The following CPA6 variants were observed in gnomAD, a reference collection of about 807,000 sequenced individuals.
CPA6 encodes carboxypeptidase B.
CPA6 carries 58 observed loss-of-function variants against 63.3 expected under a neutral mutation model. That is an observed-to-expected ratio of 0.92 (90% CI 0.74 to 1.14). The LOEUF (loss-of-function observed/expected upper bound fraction) is 1.14. Ranked by LOEUF, CPA6 falls within the 50% of genes most tolerant of loss-of-function variation. The pLI is 0.00. For synonymous variants in CPA6, 185 were observed against 179.0 expected, an observed-to-expected ratio of 1.03 and a Z score of -0.27; for missense variants, 565 against 526.6, an observed-to-expected ratio of 1.07 and a Z score of -0.71.
intron 6 of CPA6, among the ~76,000 whole-genome samples, chr8:67,502,690 C>T (rs530257765): frequency 6.6e-6 from 1 of 152,258 alleles, no homozygotes; most frequent in African/African-American, 2.4e-5. Context: ...TCACTTTTAA[C>T]CAGTTCAAGG....
At chr8:67,672,603 G>A (rs1563386965) in intron 1 of CPA6, among the ~76,000 whole-genome samples, 1 of 152,160 alleles carries the variant, frequency 6.6e-6, no homozygotes, top group Non-Finnish European at 1.5e-5. Flanking sequence ...TACTTGGGAG[G>A]AGGTTTCTCA....
At chr8:67,566,784 G>A (rs935221863) in intron 2 of CPA6, among the ~76,000 whole-genome samples, 1 of 152,192 alleles carries the variant, frequency 6.6e-6, no homozygotes, top group Non-Finnish European at 1.5e-5. Context: ...GAAGCACAGG[G>A]AATGTGTAGA....
intron 1 of CPA6, among the ~76,000 whole-genome samples, chr8:67,654,685 G>A (rs1324195012): frequency 3.3e-5 from 5 of 152,080 alleles, no homozygotes; most frequent in Non-Finnish European, 5.9e-5. Context: ...TAGGGCAACC[G>A]ATGAAGAGAG....
At chr8:67,549,641 C>A (rs2128972611) in intron 2 of CPA6, among the ~76,000 whole-genome samples, 1 of 152,254 alleles carries the variant, frequency 6.6e-6, no homozygotes, top group East Asian at 1.9e-4. Context: ...CTCCATTTCC[C>A]CCCATCTCTC....
At chr8:67,700,065 A>G (rs1243219590) in intron 1 of CPA6, among the ~76,000 whole-genome samples, 2 of 152,192 alleles carry the variant, frequency 1.3e-5, no homozygotes, top group East Asian at 3.8e-4. Context: ...ATTTTGCCTC[A>G]TATAATCGTG....
intron 2 of CPA6, among the ~76,000 whole-genome samples, chr8:67,571,035 G>A (rs952284848): frequency 1.3e-5 from 2 of 152,176 alleles, no homozygotes; most frequent in Admixed American, 1.3e-4. Context: ...CCAAAAGAGA[G>A]CAGAGGTAGC....
chr8:67,500,647 T>A (rs1379599439), intron 6 of CPA6, among the ~76,000 whole-genome samples: 1 of 152,128 alleles, frequency 6.6e-6, no homozygotes, highest in Non-Finnish European at 1.5e-5. Context: ...CTATGCTTTT[T>A]TCCCCTAAAA....
intron 8 of CPA6, among the ~76,000 whole-genome samples, chr8:67,468,050 A>G (rs1033399766): frequency 6.6e-6 from 1 of 151,698 alleles, no homozygotes; most frequent in Non-Finnish European, 1.5e-5. Context: ...AGAACGGGAC[A>G]CCATCTCAAA....
chr8:67,432,789 G>T (rs191149129), intron 9 of CPA6, among the ~76,000 whole-genome samples: 4 of 152,304 alleles, frequency 2.6e-5, no homozygotes, highest in Middle Eastern at 3.4e-3. Flanking sequence ...ATGAACAGGT[G>T]ATAGTATGCA....
At chr8:67,570,902 G>A (rs902980485) in intron 2 of CPA6, among the ~76,000 whole-genome samples, 3 of 152,074 alleles carry the variant, frequency 2.0e-5, no homozygotes, top group African/African-American at 7.2e-5. Flanking sequence ...GACATAGAGT[G>A]AATGAATGGA....
intron 8 of CPA6, among the ~76,000 whole-genome samples, chr8:67,434,887 A>G (rs1215329700): frequency 6.6e-6 from 1 of 152,178 alleles, no homozygotes; most frequent in Non-Finnish European, 1.5e-5. Flanking sequence ...TGACCCCCCA[A>G]GTGGAGGGAA....
At chr8:67,472,067 G>C (rs1405839990) in intron 8 of CPA6, among the ~76,000 whole-genome samples, 1 of 152,186 alleles carries the variant, frequency 6.6e-6, no homozygotes, top group South Asian at 2.1e-4. Context: ...AAAAAACACT[G>C]AAAAGTGGCC....
chr8:67,558,842 T>C (rs1025004467), intron 2 of CPA6, among the ~76,000 whole-genome samples: 3 of 152,150 alleles, frequency 2.0e-5, no homozygotes, highest in African/African-American at 7.2e-5. Context: ...AAACTGAGGG[T>C]ACCCATAAAT....
chr8:67,598,601 T>C (rs925339904), intron 2 of CPA6, among the ~76,000 whole-genome samples: 13 of 152,322 alleles, frequency 8.5e-5, no homozygotes, highest in East Asian at 3.9e-4. Context: ...TTGAGCTTGA[T>C]TGGGGGCCAA....
rs531512926 is a variant in CPA6, at chr8:67,641,128, G to A, written c.117-16877C>T. Among the ~76,000 whole-genome samples the A allele has an allele frequency of 1.7e-3, 265 of 151,844 alleles. 16 individuals are homozygous for A. The highest frequency in any genetic ancestry group is 6.3e-3 in the African/African-American group (257 of 41,114). ...CTGCTGCAGCCGGCATGATGGCAGC[G>A]GATGCTCCAGATAGCCTGCCGCTGC... is the stretch of plus-strand genomic sequence containing the variant. On this transcript the variant is annotated intron_variant, in intron 1 of 10. Coordinates refer to ENST00000297770, the MANE Select transcript of CPA6 (RefSeq NM_020361.5).
intron 1 of CPA6, among the ~76,000 whole-genome samples, chr8:67,659,537 A>G (rs1481157485): frequency 3.3e-5 from 5 of 152,256 alleles, no homozygotes; most frequent in Non-Finnish European, 5.9e-5. Context: ...TCTGATGCAC[A>G]CCAATAAAAT....
At chr8:67,625,609 T>C (rs1024139584) in intron 1 of CPA6, among the ~76,000 whole-genome samples, 1 of 152,126 alleles carries the variant, frequency 6.6e-6, no homozygotes, top group Non-Finnish European at 1.5e-5. Flanking sequence ...ATAAAGGAGA[T>C]TGCTGAGAGT....
chr8:67,484,845 G>A, intron 6 of CPA6, 56 bp from the exon 7 acceptor site: 1 of 943,046 alleles, frequency 1.1e-6, no homozygotes, highest in South Asian at 1.5e-5. Flanking sequence ...GAGGAAAAAA[G>A]AGTGTGAGAT....
chr8:67,491,995 G>A (rs927358664), intron 6 of CPA6, among the ~76,000 whole-genome samples: 9 of 152,194 alleles, frequency 5.9e-5, no homozygotes, highest in African/African-American at 1.9e-4. Context: ...CTTGTTTCCC[G>A]GTGATAAATC....
Sources: gnomAD v4.1 joint callset for allele counts (sites outside exome capture counted in the v4.1 genomes callset) on GRCh38, gnomAD v4.1.1 for gene constraint, MANE v1.5 for transcripts, NCBI Gene and HGNC (gene_info 2026-07-23, HGNC 2026-07-21) for gene names.